Variants in RALGPS1 observed in about 807,000 individuals in gnomAD.
RALGPS1 encodes the protein ras-specific guanine nucleotide-releasing factor RalGPS1.
Under a neutral mutation model 78.8 loss-of-function variants are expected in RALGPS1, and 19 were observed. The observed-to-expected ratio is 0.24, with a 90% confidence interval of 0.17 to 0.35. The LOEUF (loss-of-function observed/expected upper bound fraction) is 0.35, where lower values mean the gene tolerates loss of function less well. RALGPS1 is among the 10% of genes least tolerant of loss of function. The probability of loss-of-function intolerance (pLI) is 1.00; values close to 1 mark genes in which losing one functional copy is unlikely to be tolerated. For missense variants in RALGPS1, 454 were observed against 688.3 expected, an observed-to-expected ratio of 0.66 and a Z score of 3.81; for synonymous variants, 228 against 256.3, an observed-to-expected ratio of 0.89 and a Z score of 1.06.
chr9:127,012,696 C>T (rs1021843308), intron 4 of RALGPS1, among the ~76,000 whole-genome samples: 2 of 152,170 alleles, frequency 1.3e-5, no homozygotes, highest in African/African-American at 4.8e-5. Flanking sequence ...TGCAAAGGGC[C>T]AGATGTCTGA....
chr9:126,939,803 CAG>C (rs1347010450), intron 1 of RALGPS1, among the ~76,000 whole-genome samples: 6 of 152,206 alleles, frequency 3.9e-5, no homozygotes, highest in Admixed American at 3.3e-4. Context: ...ATTGGCATGT[CAG>C]AGTGACAAGC....
chr9:127,056,245 T>C (rs951113266), intron 7 of RALGPS1, among the ~76,000 whole-genome samples: 1 of 152,142 alleles, frequency 6.6e-6, no homozygotes, highest in Non-Finnish European at 1.5e-5. Context: ...CTCCCTATTG[T>C]GTCCTAAGGG....
intron 14 of RALGPS1, chr9:127,210,659 A>G (rs1453447197): frequency 4.7e-6 from 7 of 1,486,992 alleles, no homozygotes; most frequent in Non-Finnish European, 5.5e-6. Flanking sequence ...TGGTCTTTCA[A>G]AGCTGTTGCT....
chr9:126,969,785 G>C (rs192034385), intron 3 of RALGPS1, among the ~76,000 whole-genome samples: 1 of 152,178 alleles, frequency 6.6e-6, no homozygotes, highest in African/African-American at 2.4e-5. Flanking sequence ...AGCCTCAGCC[G>C]TAGGGTATTG....
intron 1 of RALGPS1, among the ~76,000 whole-genome samples, chr9:126,921,360 C>T (rs1588443864): frequency 6.6e-6 from 1 of 152,190 alleles, no homozygotes; most frequent in Admixed American, 6.5e-5. Flanking sequence ...TGCGTGAGCT[C>T]TTCTGAAAGA....
Position 127,199,081 on chromosome 9 carries a change from A to T in RALGPS1, c.1247+15A>T, listed in dbSNP as rs1438537868. 5 of 1,612,092 alleles carry T rather than the reference A, an allele frequency of 3.1e-6. No individual in the cohort carries two copies. The highest frequency in any genetic ancestry group is 4.2e-6 in the Non-Finnish European group (5 of 1,178,240). ...GGGCTGGAAAGGTGAGTGTGGCCTC[A>T]GCATGGCCTCCCTCCCAGGGGCGGT... On this transcript the variant is annotated intron_variant, in intron 14 of 18. Transcript: ENST00000259351.
At chr9:126,957,331 A>C (rs2038439491) in intron 1 of RALGPS1, among the ~76,000 whole-genome samples, 1 of 152,040 alleles carries the variant, frequency 6.6e-6, no homozygotes, top group Non-Finnish European at 1.5e-5. Flanking sequence ...CAGGGAGAGC[A>C]AGGCCTCTCG....
chr9:127,000,815 A>G (rs2043227980), intron 4 of RALGPS1, among the ~76,000 whole-genome samples: 1 of 150,686 alleles, frequency 6.6e-6, no homozygotes. Context: ...CAGCCTCCCA[A>G]AGCGCTGGGA....
intron 11 of RALGPS1, chr9:127,184,196 G>A (rs184922764): frequency 1.3e-4 from 96 of 736,460 alleles, no homozygotes; most frequent in Admixed American, 2.3e-4. Flanking sequence ...ATGGTGGTGC[G>A]TGCCTACAGC....
intron 5 of RALGPS1, among the ~76,000 whole-genome samples, chr9:127,045,762 T>TACACACACACACACACACACACACAC (rs59773981): frequency 7.3e-6 from 1 of 137,036 alleles, no homozygotes; most frequent in Non-Finnish European, 1.6e-5. Context: ...CACACACACA[T>TACACACACACACACACACACACACAC]ACACACACAC....
chr9:127,102,571 G>A (rs1466399237), intron 8 of RALGPS1, among the ~76,000 whole-genome samples: 1 of 152,182 alleles, frequency 6.6e-6, no homozygotes, highest in Non-Finnish European at 1.5e-5. Flanking sequence ...TCCTATGACT[G>A]TAAATACCCT....
intron 5 of RALGPS1, among the ~76,000 whole-genome samples, chr9:127,037,340 G>A (rs761122349): frequency 7.2e-5 from 11 of 152,190 alleles, no homozygotes; most frequent in Non-Finnish European, 8.8e-5. Flanking sequence ...AGTCTAGGCC[G>A]TGCTGCTAAC....
intron 11 of RALGPS1, among the ~76,000 whole-genome samples, chr9:127,182,340 TCCTTCCTTCCTC>T (rs1254937512): frequency 7.3e-4 from 106 of 146,042 alleles, no homozygotes; most frequent in Non-Finnish European, 1.0e-3. Flanking sequence ...CTGCCTTCCT[TCCTTCCTTCCTC>T]CCTTCCTTCC....
chr9:126,941,169 G>C (rs1305915581), intron 1 of RALGPS1, among the ~76,000 whole-genome samples: 3 of 151,966 alleles, frequency 2.0e-5, no homozygotes, highest in African/African-American at 7.2e-5. Context: ...CTAGTTGTGG[G>C]GGGGGGTTGT....
At chr9:127,034,279 C>T (rs2046672102) in intron 4 of RALGPS1, 152 bp from the exon 5 acceptor site, 1 of 686,422 alleles carries the variant, frequency 1.5e-6, no homozygotes, top group Admixed American at 2.1e-5. Context: ...CACCTACAAA[C>T]CCAGCCCTTC....
intron 8 of RALGPS1, among the ~76,000 whole-genome samples, chr9:127,159,601 C>G (rs766429714): frequency 6.6e-6 from 1 of 152,150 alleles, no homozygotes; most frequent in Non-Finnish European, 1.5e-5. Context: ...TTCTGAAGCC[C>G]TGTTTTGCTT....
chr9:126,937,775 G>C (rs1053936037), intron 1 of RALGPS1, among the ~76,000 whole-genome samples: 2 of 152,192 alleles, frequency 1.3e-5, no homozygotes, highest in Non-Finnish European at 2.9e-5. Flanking sequence ...TCCTTGAGTA[G>C]AGCTTAGCCA....
At chr9:126,998,288 A>G (rs919732394) in intron 4 of RALGPS1, among the ~76,000 whole-genome samples, 2 of 152,232 alleles carry the variant, frequency 1.3e-5, no homozygotes, top group African/African-American at 4.8e-5. Context: ...AAGGGCTAAT[A>G]CCTAGAATCT....
intron 5 of RALGPS1, among the ~76,000 whole-genome samples, chr9:127,043,383 A>G (rs1274304422): frequency 1.5e-5 from 2 of 132,156 alleles, no homozygotes; most frequent in East Asian, 2.0e-4. Flanking sequence ...AAGAATTTAA[A>G]TATTTGTGTG....
Sources: gnomAD v4.1 joint callset for allele counts (sites outside exome capture counted in the v4.1 genomes callset) on GRCh38, gnomAD v4.1.1 for gene constraint, MANE v1.5 for transcripts, NCBI Gene and HGNC (gene_info 2026-07-23, HGNC 2026-07-21) for gene names.